Variants in SFRP1 observed in about 807,000 individuals in gnomAD.
The protein encoded by SFRP1 is secreted frizzled related protein 1.
SFRP1 carries 9 observed loss-of-function variants against 25.9 expected under a neutral mutation model. The ratio of observed to expected loss-of-function variants is 0.35; its 90% CI spans 0.21 to 0.61. SFRP1 has a LOEUF of 0.61. Ranked by LOEUF, SFRP1 falls within the 20% of genes least tolerant of loss-of-function variation. The pLI, the probability that SFRP1 is intolerant of heterozygous loss-of-function variation, is 0.78. For synonymous variants in SFRP1, 178 were observed against 174.0 expected (o/e 1.02, Z -0.18); for missense variants, 346 against 418.2 (o/e 0.83, Z 1.51).
intron 2 of SFRP1, among the ~76,000 whole-genome samples, chr8:41,286,908 C>T (rs1563363227): frequency 6.6e-6 from 1 of 152,220 alleles, no homozygotes; most frequent in South Asian, 2.1e-4. Context: ...AGAAAGCACA[C>T]AGTGAGTGCC....
intron 2 of SFRP1, among the ~76,000 whole-genome samples, chr8:41,280,399 C>A (rs1803621243): frequency 6.6e-6 from 1 of 152,168 alleles, no homozygotes; most frequent in Non-Finnish European, 1.5e-5. Flanking sequence ...GCTGGCCTTA[C>A]CTCTATTTTC....
At chr8:41,304,666 C>A (rs1222015519) in intron 1 of SFRP1, among the ~76,000 whole-genome samples, 1 of 152,104 alleles carries the variant, frequency 6.6e-6, no homozygotes, top group Non-Finnish European at 1.5e-5. Context: ...CCCTCCCCAT[C>A]AGCCCCCCTT....
intron 2 of SFRP1, among the ~76,000 whole-genome samples, chr8:41,288,062 A>C (rs1803729164): frequency 6.6e-6 from 1 of 151,990 alleles, no homozygotes; most frequent in Non-Finnish European, 1.5e-5. Flanking sequence ...TATAAAAAAA[A>C]AAAATTTAAA....
At position 41,303,667 on chromosome 8, in the gene SFRP1, A is replaced by T. The variant is rs537638818; in HGVS notation, c.545-129T>A. The T allele has an allele frequency of 4.4e-6, 3 of 679,936 alleles. No individual in the cohort carries two copies. In the South Asian group the frequency reaches 5.2e-5, roughly 12 times the overall value. 42.1% of individuals were successfully genotyped at this position (679,936 alleles called of 1,614,324 possible). A position where few individuals can be genotyped will look rare whatever the true frequency, so the allele number is the denominator to read the frequency against. On this transcript the variant is annotated intron_variant, in intron 1 of 2. Transcript: ENST00000220772. ...AGGTCTTCTGGAACTTCTGAAGGGGACCTGAGAATTGAAAACAAGAAGCCT... is the reference window on the plus strand; with the variant it reads ...AGGTCTTCTGGAACTTCTGAAGGGGTCCTGAGAATTGAAAACAAGAAGCCT...
chr8:41,306,691 C>T lies in SFRP1; in HGVS notation c.544+1925G>A, dbSNP rs1298346392. On this transcript the variant is annotated intron_variant, in intron 1 of 2. Coordinates refer to ENST00000220772, the MANE Select transcript of SFRP1 (RefSeq NM_003012.5). ...CCCTCTCCCCACTTTTCTCTTTGCTCCTCAAAGACCTGTCTTGGGAGGGTG... is the reference window on the plus strand; with the variant it reads ...CCCTCTCCCCACTTTTCTCTTTGCTTCTCAAAGACCTGTCTTGGGAGGGTG... 5 of 1,593,546 alleles carry T rather than the reference C, an allele frequency of 3.1e-6. No homozygotes were observed. In the African/African-American group the frequency reaches 4.0e-5, roughly 13 times the overall value.
chr8:41,265,119 C>CCCCCCCCCCCCCCCCCA lies in SFRP1; in HGVS notation c.*47_*48insTGGGGGGGGGGGGGGGG. ...CGGGTTCCCGGGGCACTGTCCCCCCCGCTCCCACCCCACCCGAGGCTCCCT... is the reference window on the plus strand; with the variant it reads ...CGGGTTCCCGGGGCACTGTCCCCCCCCCCCCCCCCCCCCCCCAGCTCCCACCCCACCCGAGGCTCCCT... On this transcript the variant is annotated 3_prime_UTR_variant, in exon 3 of 3. Coordinates refer to ENST00000220772, the MANE Select transcript of SFRP1 (RefSeq NM_003012.5). 2.2e-6 allele frequency: 1 copy of CCCCCCCCCCCCCCCCCA among 464,792 alleles called. No homozygotes were observed. 28.8% of individuals were successfully genotyped at this position (464,792 alleles called of 1,614,324 possible).
chr8:41,268,836 C>T (rs532403800), intron 2 of SFRP1, among the ~76,000 whole-genome samples: 18 of 152,332 alleles, frequency 1.2e-4, no homozygotes, highest in African/African-American at 4.1e-4. Flanking sequence ...TCACCACCAC[C>T]CCATCCCATC....
chr8:41,268,210 G>A (rs370412261), intron 2 of SFRP1, among the ~76,000 whole-genome samples: 4 of 152,192 alleles, frequency 2.6e-5, no homozygotes, highest in East Asian at 1.9e-4. Flanking sequence ...TTTAATACTC[G>A]CAGCAACCAT....
In SFRP1 at chr8:41,265,375, A is replaced by G; in HGVS notation, c.737T>C (p.Leu246Pro). Residue 246 changes from leucine to proline, a missense_variant, in exon 3 of 3, where the codon CTT (leucine) becomes CCT (proline). Physicochemically the swap from Leu to Pro is moderately conservative, Grantham distance 98. Coordinates refer to ENST00000220772, the MANE Select transcript of SFRP1 (RefSeq NM_003012.5). ...GPIKKKDLKK[L>P]VLYLKNGADC... Reference sequence around the variant, plus strand: ...AGCCCCATTCTTCAGGTACAGCACAAGCTTCTTCAGGTCCTTCTTCTTGAT... The same window carrying G: ...AGCCCCATTCTTCAGGTACAGCACAGGCTTCTTCAGGTCCTTCTTCTTGAT... The G allele has an allele frequency of 1.2e-6, 2 of 1,613,966 alleles. No individual in the cohort carries two copies. Among genetic ancestry groups the G allele is most frequent in the Non-Finnish European group, 1.7e-6 (2 of 1,180,020 alleles).
Position 41,263,658 on chromosome 8 carries a change from G to A in SFRP1, c.*1509C>T, listed in dbSNP as rs576241999. The A allele has an allele frequency of 6.6e-6, 1 of 152,172 alleles. No homozygotes were observed. The highest frequency in any genetic ancestry group is 2.1e-4 in the South Asian group (1 of 4,822). The allele number at this position is 152,172 out of a possible 1,614,324, so 9.4% of individuals were successfully genotyped here. The stretch of plus-strand genomic sequence containing the variant: ...AAGAAATTAATATGCATTTTTTTTA[G>A]AACTACTTCCTGTACATTGGACAAG... On this transcript the variant is annotated 3_prime_UTR_variant, in exon 3 of 3. Transcript: ENST00000220772.
At position 41,290,884 on chromosome 8, in the gene SFRP1, G is replaced by T. The variant is rs542302802; in HGVS notation, c.622+12577C>A. On this transcript the variant is annotated intron_variant, in intron 2 of 2. Coordinates refer to ENST00000220772, the MANE Select transcript of SFRP1 (RefSeq NM_003012.5). ...TTGTCTTCTTCTCCTCCTCTTCCTC[G>T]TCTTTTTTTTTTTTTTTTTTTTTTT... 2.6e-3 allele frequency among the ~76,000 whole-genome samples: 71 copies of T among 27,492 alleles called. 4 individuals carry two copies. In the South Asian group the frequency reaches 0.028, roughly 11 times the overall value. The allele number at this position is 27,492 out of a possible 152,430, so 18.0% of individuals were successfully genotyped here.
chr8:41,304,337 G>C (rs1424571845), intron 1 of SFRP1, among the ~76,000 whole-genome samples: 1 of 152,220 alleles, frequency 6.6e-6, no homozygotes, highest in East Asian at 1.9e-4. Context: ...ATCCAGTGGA[G>C]GTAAAGGACT....
intron 2 of SFRP1, among the ~76,000 whole-genome samples, chr8:41,287,853 C>T (rs1214129179): frequency 6.6e-6 from 1 of 152,190 alleles, no homozygotes; most frequent in Non-Finnish European, 1.5e-5. Flanking sequence ...ACAGCCTCCA[C>T]ATAAACAGGA....
At chr8:41,290,886 CTTTTTTTTTTTTTTTTTTTTT>C (rs561965318) in intron 2 of SFRP1, among the ~76,000 whole-genome samples, 907 of 53,892 alleles carry the variant, frequency 0.017, 23 homozygotes, top group African/African-American at 0.048. Context: ...TCTTCCTCGT[CTTTTTTTTTTTTTTTTTTTTT>C]TTTTTTTTTT....
intron 2 of SFRP1, chr8:41,275,008 T>C: frequency 3.4e-6 from 1 of 293,342 alleles, no homozygotes; most frequent in Non-Finnish European, 6.7e-6. Context: ...GTTGTTTCCT[T>C]TTTTTTTCTT....
intron 2 of SFRP1, among the ~76,000 whole-genome samples, chr8:41,268,392 TG>T (rs1178844015): frequency 1.7e-4 from 26 of 152,336 alleles, no homozygotes; most frequent in African/African-American, 6.0e-4. Flanking sequence ...GAAGTGATAT[TG>T]CTTCATTGGA....
chr8:41,276,846 A>G, intron 2 of SFRP1: 1 of 441,998 alleles, frequency 2.3e-6, no homozygotes, highest in Non-Finnish European at 4.6e-6. Context: ...GCCAGGCAGG[A>G]GAGTAGAGAT....
chr8:41,293,365 C>T (rs760101765), intron 2 of SFRP1, among the ~76,000 whole-genome samples: 6 of 152,224 alleles, frequency 3.9e-5, no homozygotes, highest in Non-Finnish European at 8.8e-5. Flanking sequence ...CGCTGTGGGC[C>T]AGGGCTAAGC....
intron 2 of SFRP1, among the ~76,000 whole-genome samples, chr8:41,281,956 G>A (rs1301348631): frequency 6.6e-6 from 1 of 152,202 alleles, no homozygotes; most frequent in Non-Finnish European, 1.5e-5. Flanking sequence ...GTCCTCATTT[G>A]TCTGAAGAGC....
Sources: allele counts gnomAD v4.1 joint callset (sites outside exome capture counted in the v4.1 genomes callset), GRCh38; gene constraint gnomAD v4.1.1; transcripts MANE v1.5; gene names NCBI Gene and HGNC (gene_info 2026-07-23, HGNC 2026-07-21).